COL8A1: variants seen among roughly 807,000 people sequenced by gnomAD.
COL8A1 encodes the protein collagen type VIII alpha 1 chain.
In COL8A1, 21 loss-of-function variants were observed where a neutral mutation model predicts 42.7. That is an observed-to-expected ratio of 0.49 (90% CI 0.35 to 0.71). COL8A1 has a LOEUF of 0.71. Among genes scored for constraint, COL8A1 ranks in the 30% least tolerant of loss-of-function variants. The probability of loss-of-function intolerance (pLI) is 0.01; values close to 1 mark genes in which losing one functional copy is unlikely to be tolerated. For synonymous variants in COL8A1, 367 were observed against 369.1 expected (o/e 0.99, Z 0.06); for missense variants, 788 against 962.4 (o/e 0.82, Z 2.40).
intron 2 of COL8A1, among the ~76,000 whole-genome samples, chr3:99,753,493 A>G (rs954837889): frequency 1.3e-5 from 2 of 152,180 alleles, no homozygotes; most frequent in Non-Finnish European, 2.9e-5. Context: ...TCTCAATGCT[A>G]TAGGGTATAG....
chr3:99,725,739 T>C (rs1401715162), intron 1 of COL8A1, among the ~76,000 whole-genome samples: 1 of 151,988 alleles, frequency 6.6e-6, no homozygotes, highest in East Asian at 1.9e-4. Flanking sequence ...ACAAAGGACA[T>C]GAACTCATCA....
Position 99,648,453 on chromosome 3 carries a change from T to C in COL8A1, c.-129+9789T>C, listed in dbSNP as rs186671155. On this transcript the variant is annotated intron_variant, in intron 1 of 3. Coordinates refer to ENST00000652472, the MANE Select transcript of COL8A1 (RefSeq NM_020351.4). ...TGTTTAATACAGTGATTTTAATTTC[T>C]TTTTCTTTTTTGTTTTTTTTAATCT... Among the ~76,000 whole-genome samples, 263 of 152,262 alleles carry C rather than the reference T, an allele frequency of 1.7e-3. 1 individual carries two copies. The highest frequency in any genetic ancestry group is 5.9e-3 in the African/African-American group (247 of 41,550).
At chr3:99,693,198 A>G (rs1216076295) in intron 1 of COL8A1, among the ~76,000 whole-genome samples, 2 of 152,212 alleles carry the variant, frequency 1.3e-5, no homozygotes, top group African/African-American at 2.4e-5. Context: ...AAAAAAACAA[A>G]AATAAAAACA....
At chr3:99,665,968 G>C (rs1211320904) in intron 1 of COL8A1, among the ~76,000 whole-genome samples, 1 of 151,954 alleles carries the variant, frequency 6.6e-6, no homozygotes, top group Non-Finnish European at 1.5e-5. Context: ...TGGGATTACA[G>C]GTGTGAGCCA....
At chr3:99,642,957 T>C (rs1937533895) in intron 1 of COL8A1, among the ~76,000 whole-genome samples, 1 of 152,338 alleles carries the variant, frequency 6.6e-6, no homozygotes, top group African/African-American at 2.4e-5. Context: ...CCAGTACTTA[T>C]TATAACTTCT....
chr3:99,790,589 C>G, intron 2 of COL8A1, 91 bp from the exon 3 acceptor site: 1 of 975,898 alleles, frequency 1.0e-6, no homozygotes, highest in Non-Finnish European at 1.5e-6. Flanking sequence ...AAGACTGTTT[C>G]CCTTTTTTTT....
intron 1 of COL8A1, among the ~76,000 whole-genome samples, chr3:99,710,747 A>G (rs1317402345): frequency 6.6e-6 from 1 of 152,174 alleles, no homozygotes; most frequent in Non-Finnish European, 1.5e-5. Context: ...ACAGGGTTAG[A>G]GACATTAAAT....
intron 1 of COL8A1, among the ~76,000 whole-genome samples, chr3:99,712,586 A>G (rs1437058951): frequency 6.6e-6 from 1 of 152,168 alleles, no homozygotes; most frequent in East Asian, 1.9e-4. Flanking sequence ...TTTCTGCCCC[A>G]TATCTGCAGA....
At chr3:99,767,118 C>T (rs1941479743) in intron 2 of COL8A1, among the ~76,000 whole-genome samples, 1 of 152,166 alleles carries the variant, frequency 6.6e-6, no homozygotes, top group African/African-American at 2.4e-5. Flanking sequence ...GTGCCTCCTC[C>T]AAGCCTGAAA....
chr3:99,794,678 G>A lies in COL8A1; in HGVS notation c.777G>A (p.Met259Ile). The A allele has an allele frequency of 1.7e-5, 28 of 1,613,580 alleles. No individual in the cohort carries two copies. Among genetic ancestry groups the A allele is most frequent in the Non-Finnish European group, 2.4e-5 (28 of 1,179,796 alleles). The change falls in exon 4 of 4, where the codon ATG becomes ATA. Residue 259 changes from methionine (M) to isoleucine (I), a missense_variant. Coordinates refer to ENST00000652472, the MANE Select transcript of COL8A1 (RefSeq NM_020351.4). The surrounding 1 kb of genome is among the most constrained non-coding windows in gnomAD (Gnocchi z 4.3). ...GAPGVKGPPG[M>I]HGPPGPVGLP... ...CAGGTGTAAAGGGGCCTCCAGGGATGCACGGCCCTCCCGGCCCTGTTGGAC... is the reference window on the plus strand; with the variant it reads ...CAGGTGTAAAGGGGCCTCCAGGGATACACGGCCCTCCCGGCCCTGTTGGAC...
chr3:99,671,499 C>T (rs1020299396), intron 1 of COL8A1, among the ~76,000 whole-genome samples: 10 of 152,026 alleles, frequency 6.6e-5, no homozygotes, highest in African/African-American at 2.4e-4. Context: ...TCTCAGTAAT[C>T]TTCAAGTATA....
intron 1 of COL8A1, among the ~76,000 whole-genome samples, chr3:99,643,139 A>T (rs1046668656): frequency 6.6e-6 from 1 of 152,192 alleles, no homozygotes; most frequent in Non-Finnish European, 1.5e-5. Flanking sequence ...TCATACAGCC[A>T]GTTTCTCCAG....
At chr3:99,692,192 G>A (rs558765463) in intron 1 of COL8A1, among the ~76,000 whole-genome samples, 1 of 152,120 alleles carries the variant, frequency 6.6e-6, no homozygotes, top group African/African-American at 2.4e-5. Context: ...TATGAAAACT[G>A]GCAGAAACTA....
chr3:99,655,959 C>T (rs1293401601), intron 1 of COL8A1, among the ~76,000 whole-genome samples: 1 of 152,108 alleles, frequency 6.6e-6, no homozygotes, highest in East Asian at 1.9e-4. Flanking sequence ...TATACAAACA[C>T]AAGAATTTAG....
chr3:99,645,081 G>A (rs905580520), intron 1 of COL8A1, among the ~76,000 whole-genome samples: 1 of 152,154 alleles, frequency 6.6e-6, no homozygotes, highest in Non-Finnish European at 1.5e-5. Flanking sequence ...CAGGTGGGAC[G>A]CATTTTCAAG....
chr3:99,710,467 AT>A (rs1427851839), intron 1 of COL8A1, among the ~76,000 whole-genome samples: 4 of 152,240 alleles, frequency 2.6e-5, no homozygotes, highest in Admixed American at 6.5e-5. Context: ...TAAAAGGGAC[AT>A]TGTTAAACTA....
intron 2 of COL8A1, among the ~76,000 whole-genome samples, chr3:99,770,011 T>G (rs1941547095): frequency 2.6e-5 from 4 of 152,166 alleles, no homozygotes; most frequent in African/African-American, 9.7e-5. Context: ...TTAATATAAG[T>G]TATATGTGAC....
chr3:99,669,642 G>C (rs1382300907), intron 1 of COL8A1, among the ~76,000 whole-genome samples: 1 of 151,990 alleles, frequency 6.6e-6, no homozygotes, highest in Non-Finnish European at 1.5e-5. Context: ...AACTGCCTTT[G>C]TAGTACTAGA....
At chr3:99,718,822 A>G (rs1386420113) in intron 1 of COL8A1, among the ~76,000 whole-genome samples, 1 of 152,152 alleles carries the variant, frequency 6.6e-6, no homozygotes, top group Non-Finnish European at 1.5e-5. Flanking sequence ...ATCATTATAC[A>G]AGGAAGTGGC....
Sources: gnomAD v4.1 joint callset for allele counts (sites outside exome capture counted in the v4.1 genomes callset) on GRCh38, gnomAD v4.1.1 for gene constraint, Gnocchi (gnomAD v3.1) non-coding constraint, MANE v1.5 for transcripts, NCBI Gene and HGNC (gene_info 2026-07-23, HGNC 2026-07-21) for gene names.